BMP6: variants seen among roughly 807,000 people sequenced by gnomAD.
The protein encoded by BMP6 is bone morphogenetic protein 6.
A neutral mutation model predicts 54.1 loss-of-function variants in BMP6; 17 were observed. That is an observed-to-expected ratio of 0.31 (90% CI 0.22 to 0.47). The LOEUF is 0.47. Among genes scored for constraint, BMP6 ranks in the 20% least tolerant of loss-of-function variants. The pLI is 1.00. For synonymous variants in BMP6, 328 were observed against 291.2 expected, an observed-to-expected ratio of 1.13 and a Z score of -1.28; for missense variants, 720 against 690.4, an observed-to-expected ratio of 1.04 and a Z score of -0.48.
chr6:7,808,180 A>G (rs987390913), intron 1 of BMP6, among the ~76,000 whole-genome samples: 3 of 152,050 alleles, frequency 2.0e-5, no homozygotes, highest in African/African-American at 4.8e-5. Context: ...TCGGCCTCCC[A>G]AAGTGCTGGG....
At chr6:7,871,132 GT>G (rs1282269929) in intron 4 of BMP6, among the ~76,000 whole-genome samples, 2 of 152,154 alleles carry the variant, frequency 1.3e-5, no homozygotes, top group Non-Finnish European at 2.9e-5. Context: ...TTTTATCATG[GT>G]TTTTGCTTCA....
intron 2 of BMP6, among the ~76,000 whole-genome samples, chr6:7,849,004 G>A (rs536000996): frequency 1.1e-4 from 17 of 152,274 alleles, no homozygotes; most frequent in South Asian, 4.1e-4. Context: ...TGGCACATAC[G>A]AATTTTGCCA....
chr6:7,756,286 C>G (rs1232830228), intron 1 of BMP6, among the ~76,000 whole-genome samples: 1 of 152,134 alleles, frequency 6.6e-6, no homozygotes, highest in Non-Finnish European at 1.5e-5. Flanking sequence ...TTTTCAGTAT[C>G]TAAACTGCTG....
intron 1 of BMP6, among the ~76,000 whole-genome samples, chr6:7,760,157 C>T (rs1215519701): frequency 6.8e-6 from 1 of 148,058 alleles, no homozygotes; most frequent in Non-Finnish European, 1.5e-5. Context: ...GAACTCCTGG[C>T]TTCAAGTAAT....
chr6:7,811,935 A>T (rs1758441896), intron 1 of BMP6, among the ~76,000 whole-genome samples: 1 of 152,220 alleles, frequency 6.6e-6, no homozygotes, highest in Admixed American at 6.5e-5. Context: ...AAATATATAT[A>T]TGAAAATTAC....
chr6:7,797,712 C>G (rs1186877703), intron 1 of BMP6, among the ~76,000 whole-genome samples: 1 of 152,088 alleles, frequency 6.6e-6, no homozygotes, highest in Non-Finnish European at 1.5e-5. Context: ...TTCCATGTGC[C>G]AGGAGATGGC....
intron 4 of BMP6, among the ~76,000 whole-genome samples, chr6:7,870,601 T>C (rs907485355): frequency 2.0e-5 from 3 of 152,090 alleles, no homozygotes; most frequent in African/African-American, 7.2e-5. Flanking sequence ...GAAACAGGCA[T>C]GTCTGTCTTG....
At position 7,863,351 on chromosome 6, in the gene BMP6, A is replaced by C. The variant is rs537970187; in HGVS notation, c.1204+853A>C. Among the ~76,000 whole-genome samples, 3 of 152,202 alleles carry C rather than the reference A, an allele frequency of 2.0e-5. No individual in the cohort carries two copies. The East Asian group carries it at 5.8e-4, about 29-fold the overall frequency. ...TCCATGGGCTCAGATGATAATCAGG[A>C]ATCTCTCTCTTTTTCTGTTTTTCTA... On this transcript the variant is annotated intron_variant, in intron 4 of 6. Transcript: ENST00000283147.
intron 1 of BMP6, among the ~76,000 whole-genome samples, chr6:7,844,019 C>T (rs934304294): frequency 2.0e-5 from 3 of 152,166 alleles, no homozygotes; most frequent in East Asian, 3.9e-4. Flanking sequence ...TATCACCTCA[C>T]AGAGACACGG....
chr6:7,840,623 G>A (rs1758953513), intron 1 of BMP6, among the ~76,000 whole-genome samples: 2 of 152,086 alleles, frequency 1.3e-5, no homozygotes, highest in Admixed American at 1.3e-4. Context: ...CGTTTGTTCA[G>A]TATGTCTTCC....
intron 1 of BMP6, among the ~76,000 whole-genome samples, chr6:7,765,898 C>T: frequency 6.6e-6 from 1 of 152,224 alleles, no homozygotes; most frequent in Non-Finnish European, 1.5e-5. Context: ...TCAGATTTCT[C>T]TCCGTTACTC....
chr6:7,834,229 A>C (rs1758837493), intron 1 of BMP6, among the ~76,000 whole-genome samples: 1 of 151,022 alleles, frequency 6.6e-6, no homozygotes, highest in Admixed American at 6.6e-5. Context: ...AACCCAATTT[A>C]AATATTCAGG....
chr6:7,738,250 C>T (rs1761992178), intron 1 of BMP6, among the ~76,000 whole-genome samples: 1 of 152,168 alleles, frequency 6.6e-6, no homozygotes, highest in African/African-American at 2.4e-5. Context: ...ACTCTCTAAC[C>T]CCTTTTGGCT....
At chr6:7,820,956 C>G (rs1758602738) in intron 1 of BMP6, among the ~76,000 whole-genome samples, 1 of 152,236 alleles carries the variant, frequency 6.6e-6, no homozygotes, top group Admixed American at 6.5e-5. Flanking sequence ...CAAGGCTAAT[C>G]TGACAGGAGG....
chr6:7,763,392 G>T (rs1231014321), intron 1 of BMP6, among the ~76,000 whole-genome samples: 1 of 152,004 alleles, frequency 6.6e-6, no homozygotes, highest in African/African-American at 2.4e-5. Context: ...ACTCTTATGG[G>T]AATAAAAAGA....
chr6:7,727,571 A>G lies in BMP6; in HGVS notation c.616A>G (p.Ser206Gly). ...GTCCCCACTGACCAGCGCGCAGGACAGCGCCTTCCTCAACGACGCGGACAT... is the reference window on the plus strand; with the variant it reads ...GTCCCCACTGACCAGCGCGCAGGACGGCGCCTTCCTCAACGACGCGGACAT... ...GASPLTSAQDSAFLNDADMVM... is the reference protein window; with the variant it reads ...GASPLTSAQDGAFLNDADMVM... The change falls in exon 1 of 7, where the codon AGC (serine) becomes GGC (glycine). Residue 206 changes from serine (S) to glycine (G), a missense_variant. Coordinates refer to ENST00000283147, the MANE Select transcript of BMP6 (RefSeq NM_001718.6). 2 of 1,585,512 alleles carry G rather than the reference A, an allele frequency of 1.3e-6. No individual in the cohort carries two copies. The highest frequency in any genetic ancestry group is 1.4e-5 in the African/African-American group (1 of 74,054).
intron 1 of BMP6, among the ~76,000 whole-genome samples, chr6:7,804,200 A>C (rs898022535): frequency 6.6e-6 from 1 of 152,202 alleles, no homozygotes; most frequent in Non-Finnish European, 1.5e-5. Flanking sequence ...CAAGCTAAGG[A>C]ATTCTGATCT....
chr6:7,859,668 A>ACACCCCCCG (rs1491127978), intron 2 of BMP6, among the ~76,000 whole-genome samples: 3 of 148,712 alleles, frequency 2.0e-5, no homozygotes, highest in East Asian at 2.1e-4. Flanking sequence ...TTTTCCATGG[A>ACACCCCCCG]CACCCCCCGC....
Position 7,860,396 on chromosome 6 carries a change from T to C in BMP6, c.858-1055T>C, listed in dbSNP as rs183964276. On this transcript the variant is annotated intron_variant, in intron 2 of 6. Coordinates refer to ENST00000283147, the MANE Select transcript of BMP6 (RefSeq NM_001718.6). ...GGCCAAAATATAGCCCTCCCTGTCA[T>C]GGGAATCCCAGGCCATCTCATTCTA... Among the ~76,000 whole-genome samples the C allele has an allele frequency of 6.6e-5, 10 of 152,236 alleles. No homozygotes were observed. The East Asian group carries it at 1.2e-3, about 18-fold the overall frequency.
Sources: gnomAD v4.1 joint callset for allele counts (sites outside exome capture counted in the v4.1 genomes callset) on GRCh38, gnomAD v4.1.1 for gene constraint, MANE v1.5 for transcripts, NCBI Gene and HGNC (gene_info 2026-07-23, HGNC 2026-07-21) for gene names.